SCD5: variants seen among roughly 807,000 people sequenced by gnomAD.
SCD5 encodes the protein stearoyl-CoA desaturase 5, also known as acyl-CoA-desaturase 4.
In SCD5, 20 loss-of-function variants were observed where a neutral mutation model predicts 30.4. That is an observed-to-expected ratio of 0.66 (90% CI 0.46 to 0.96). SCD5 has a LOEUF of 0.96. SCD5 is among the 40% of genes least tolerant of loss of function. The pLI, the probability that SCD5 is intolerant of heterozygous loss-of-function variation, is 0.00. For missense variants in SCD5, 381 were observed against 443.3 expected, an observed-to-expected ratio of 0.86 and a Z score of 1.26; for synonymous variants, 173 against 176.4, an observed-to-expected ratio of 0.98 and a Z score of 0.16.
rs1276979895 is a variant in SCD5, at chr4:82,798,512, C to T, written c.26G>A (p.Gly9Glu). The change falls in exon 1 of 5, where the codon GGG becomes GAG. Residue 9 changes from glycine to glutamate, a missense_variant. By Grantham distance (98) the Gly-to-Glu change is moderately conservative. Transcript: ENST00000319540. ...CTTGGCGTCGCAGAAAGGGATCTTC[C>T]CCGCGTCGGTGGCCGGGCCTGGCAT... MPGPATDA[G>E]KIPFCDAKEE... is the part of the protein sequence containing the mutation. 6.2e-7 allele frequency: 1 copy of T among 1,605,602 alleles called. No homozygotes were observed. The highest frequency in any genetic ancestry group is 8.5e-7 in the Non-Finnish European group (1 of 1,176,544).
At chr4:82,647,386 C>A (rs1324776024) in intron 3 of SCD5, among the ~76,000 whole-genome samples, 1 of 152,206 alleles carries the variant, frequency 6.6e-6, no homozygotes, top group Admixed American at 6.5e-5. Flanking sequence ...AGCAGCCAAT[C>A]AGCCTCCATT....
intron 1 of SCD5, among the ~76,000 whole-genome samples, chr4:82,718,657 T>G (rs1175675411): frequency 6.6e-6 from 1 of 151,896 alleles, no homozygotes; most frequent in Non-Finnish European, 1.5e-5. Flanking sequence ...AATGCAATAT[T>G]CTTTCAAGAT....
rs182645254 is a variant in SCD5 at position 82,711,693 on chromosome 4, A to G, written c.233-6280T>C. On this transcript the variant is annotated intron_variant, in intron 1 of 4. Transcript: ENST00000319540. Reference sequence around the variant, plus strand: ...TGTTCTCCAGCCTGGGTGATAAAGTAAGACCTTGTCTTAAAAAAAAAAAAA... The same window carrying G: ...TGTTCTCCAGCCTGGGTGATAAAGTGAGACCTTGTCTTAAAAAAAAAAAAA... Among the ~76,000 whole-genome samples the G allele has an allele frequency of 3.6e-3, 506 of 139,086 alleles. 7 individuals are homozygous for G. Among genetic ancestry groups the G allele is most frequent in the African/African-American group, 0.014 (482 of 35,326 alleles). 91.2% of individuals were successfully genotyped at this position (139,086 alleles called of 152,430 possible). A position where few individuals can be genotyped will look rare whatever the true frequency, so the allele number is the denominator to read the frequency against.
chr4:82,781,884 C>T (rs960100512), intron 1 of SCD5, among the ~76,000 whole-genome samples: 1 of 152,090 alleles, frequency 6.6e-6, no homozygotes, highest in East Asian at 1.9e-4. Flanking sequence ...CAGACTAAGA[C>T]AGATTACTGT....
intron 3 of SCD5, among the ~76,000 whole-genome samples, chr4:82,670,248 A>G (rs1728280601): frequency 6.6e-6 from 1 of 152,232 alleles, no homozygotes; most frequent in Non-Finnish European, 1.5e-5. Flanking sequence ...TAACGGGCTA[A>G]GGGCTGTAAC....
chr4:82,717,155 T>C (rs73829974), intron 1 of SCD5, among the ~76,000 whole-genome samples: 6,202 of 151,804 alleles, frequency 0.041, 565 homozygotes, highest in African/African-American at 0.14. Context: ...ATAACAATAT[T>C]TCAATAAATA....
intron 1 of SCD5, among the ~76,000 whole-genome samples, chr4:82,764,864 T>C (rs904009432): frequency 6.6e-6 from 1 of 151,966 alleles, no homozygotes; most frequent in Non-Finnish European, 1.5e-5. Context: ...GTAGCTGGAA[T>C]TACAGGCATG....
intron 1 of SCD5, among the ~76,000 whole-genome samples, chr4:82,781,130 G>A (rs1670328737): frequency 6.6e-6 from 1 of 152,168 alleles, no homozygotes. Context: ...AAAAGGACTT[G>A]AGGGCCGGGC....
intron 1 of SCD5, among the ~76,000 whole-genome samples, chr4:82,718,677 C>T (rs971735009): frequency 1.3e-5 from 2 of 151,750 alleles, no homozygotes; most frequent in African/African-American, 4.9e-5. Context: ...TACCATGAAA[C>T]CCCCTTCAGT....
At chr4:82,670,766 T>C (rs1410647403) in intron 3 of SCD5, among the ~76,000 whole-genome samples, 4 of 151,744 alleles carry the variant, frequency 2.6e-5, no homozygotes, top group African/African-American at 9.7e-5. Context: ...ATGGCAAATA[T>C]CAATTCCATA....
At chr4:82,691,356 AG>A (rs992001946) in intron 2 of SCD5, among the ~76,000 whole-genome samples, 1 of 152,084 alleles carries the variant, frequency 6.6e-6, no homozygotes, top group African/African-American at 2.4e-5. Flanking sequence ...GGTCATCTTC[AG>A]GTTGAGAGGA....
intron 3 of SCD5, among the ~76,000 whole-genome samples, chr4:82,658,559 C>G (rs1727915082): frequency 6.8e-6 from 1 of 147,028 alleles, no homozygotes; most frequent in African/African-American, 2.5e-5. Context: ...CTCTGCCTCC[C>G]AGGTTCAAGT....
intron 1 of SCD5, among the ~76,000 whole-genome samples, chr4:82,773,192 C>T (rs1435301452): frequency 1.3e-5 from 2 of 152,192 alleles, no homozygotes; most frequent in African/African-American, 4.8e-5. Context: ...TGCATGTGTC[C>T]TCCCTGCCTG....
intron 2 of SCD5, among the ~76,000 whole-genome samples, chr4:82,694,099 G>C (rs769485552): frequency 6.6e-6 from 1 of 152,200 alleles, no homozygotes; most frequent in Non-Finnish European, 1.5e-5. Flanking sequence ...AGCCGCAGGC[G>C]CCTCTGCCAC....
chr4:82,652,976 AC>A (rs1052339236), intron 3 of SCD5, among the ~76,000 whole-genome samples: 2 of 151,956 alleles, frequency 1.3e-5, no homozygotes, highest in Non-Finnish European at 2.9e-5. Context: ...ACATGGCAAA[AC>A]CCTGTCTCTA....
intron 1 of SCD5, among the ~76,000 whole-genome samples, chr4:82,798,021 C>T (rs1232721471): frequency 6.6e-6 from 1 of 151,852 alleles, no homozygotes; most frequent in Non-Finnish European, 1.5e-5. Context: ...CTCCGGGTCC[C>T]CCCCGGCTCT....
At chr4:82,639,199 G>A (rs1165301030) in intron 3 of SCD5, among the ~76,000 whole-genome samples, 1 of 152,206 alleles carries the variant, frequency 6.6e-6, no homozygotes, top group Admixed American at 6.5e-5. Context: ...CAGGATGGCT[G>A]CATTTTAGTG....
intron 1 of SCD5, among the ~76,000 whole-genome samples, chr4:82,778,634 A>C (rs930113045): frequency 2.0e-5 from 3 of 152,182 alleles, no homozygotes; most frequent in African/African-American, 7.2e-5. Context: ...TGTCCCCTTC[A>C]CAAGAACAAG....
chr4:82,751,935 A>G (rs1266460143), intron 1 of SCD5, among the ~76,000 whole-genome samples: 1 of 152,184 alleles, frequency 6.6e-6, no homozygotes, highest in Non-Finnish European at 1.5e-5. Flanking sequence ...TCTTTTCTCT[A>G]GATTGGAAAA....
Sources: allele counts gnomAD v4.1 joint callset (sites outside exome capture counted in the v4.1 genomes callset), GRCh38; gene constraint gnomAD v4.1.1; transcripts MANE v1.5; gene names NCBI Gene and HGNC (gene_info 2026-07-23, HGNC 2026-07-21).